GBE1: variants seen among roughly 807,000 people sequenced by gnomAD.
GBE1 encodes the protein 1,4-alpha-glucan branching enzyme 1, also known as 1,4-alpha-glucan-branching enzyme.
In GBE1, 70 loss-of-function variants were observed where a neutral mutation model predicts 88.8. That is an observed-to-expected ratio of 0.79 (90% CI 0.65 to 0.96). The LOEUF is 0.96. Among genes scored for constraint, GBE1 ranks in the 40% least tolerant of loss-of-function variants. The pLI is 0.00. For synonymous variants in GBE1, 284 were observed against 300.1 expected, an observed-to-expected ratio of 0.95 and a Z score of 0.56; for missense variants, 872 against 871.0, an observed-to-expected ratio of 1.00 and a Z score of -0.01.
chr3:81,673,625 G>GT (rs1265478905), intron 2 of GBE1, among the ~76,000 whole-genome samples: 30 of 151,872 alleles, frequency 2.0e-4, no homozygotes, highest in African/African-American at 7.0e-4. Flanking sequence ...CTTTAGCTTG[G>GT]TATCAACTAT....
At chr3:81,745,613 T>C (rs1269397321) in intron 1 of GBE1, among the ~76,000 whole-genome samples, 7 of 152,056 alleles carry the variant, frequency 4.6e-5, no homozygotes, top group Non-Finnish European at 8.8e-5. Context: ...GTTTAGTGCT[T>C]CAAATTCATT....
intron 2 of GBE1, among the ~76,000 whole-genome samples, chr3:81,692,541 A>G (rs997337114): frequency 6.6e-6 from 1 of 152,178 alleles, no homozygotes; most frequent in African/African-American, 2.4e-5. Context: ...CTCAGTTTTT[A>G]GTTTGGTTTG....
intron 1 of GBE1, among the ~76,000 whole-genome samples, chr3:81,715,600 C>A (rs2107182786): frequency 6.6e-6 from 1 of 152,206 alleles, no homozygotes; most frequent in South Asian, 2.1e-4. Context: ...TTGGTATATA[C>A]CACCTACTAT....
intron 1 of GBE1, among the ~76,000 whole-genome samples, chr3:81,712,565 G>T (rs902714113): frequency 6.6e-6 from 1 of 150,974 alleles, no homozygotes; most frequent in Non-Finnish European, 1.5e-5. Flanking sequence ...ACCAAACACC[G>T]CATGTTCTCA....
chr3:81,697,629 G>C (rs1484818098), intron 2 of GBE1, among the ~76,000 whole-genome samples: 1 of 152,072 alleles, frequency 6.6e-6, no homozygotes, highest in Non-Finnish European at 1.5e-5. Flanking sequence ...GCCCTCTCTG[G>C]GCAAGCCACC....
chr3:81,631,835 G>A (rs1352452410), intron 7 of GBE1, among the ~76,000 whole-genome samples: 2 of 151,850 alleles, frequency 1.3e-5, no homozygotes, highest in South Asian at 4.2e-4. Context: ...TTAAGTTCTG[G>A]GATACATGTG....
Position 81,670,725 on chromosome 3 carries a change from T to C in GBE1, c.429+113A>G. On this transcript the variant is annotated intron_variant, in intron 3 of 15. Transcript: ENST00000429644. ...CCTCTATTTGTACATTTAGACTGTT[T>C]CTCCCACAATTATCATGCATCAGTT... 2 of 613,364 alleles carry C rather than the reference T, an allele frequency of 3.3e-6. 1 individual carries two copies. Among genetic ancestry groups the C allele is most frequent in the South Asian group, 4.6e-5 (2 of 43,650 alleles). 38.0% of individuals were successfully genotyped at this position (613,364 alleles called of 1,614,324 possible).
chr3:81,701,987 A>G (rs1705694604), intron 2 of GBE1, among the ~76,000 whole-genome samples: 1 of 151,658 alleles, frequency 6.6e-6, no homozygotes, highest in South Asian at 2.1e-4. Context: ...TAGGCACAAA[A>G]AAAAAAAAGA....
chr3:81,516,482 T>G (rs79638842), intron 14 of GBE1, among the ~76,000 whole-genome samples: 2,096 of 151,648 alleles, frequency 0.014, 85 homozygotes, highest in Admixed American at 0.067. Flanking sequence ...CTGACTGAGA[T>G]GTACAAGGAA....
At chr3:81,514,536 T>A (rs570614052) in intron 14 of GBE1, among the ~76,000 whole-genome samples, 1 of 151,702 alleles carries the variant, frequency 6.6e-6, no homozygotes, top group South Asian at 2.1e-4. Flanking sequence ...GAATTAGAGA[T>A]GGTTCTTATG....
chr3:81,655,371 A>G (rs1371857991), intron 3 of GBE1, among the ~76,000 whole-genome samples: 2 of 152,170 alleles, frequency 1.3e-5, no homozygotes, highest in East Asian at 3.9e-4. Flanking sequence ...AGTAATTTGT[A>G]GAAGAGGGTG....
intron 8 of GBE1, among the ~76,000 whole-genome samples, chr3:81,591,386 G>A (rs1327448802): frequency 1.3e-5 from 2 of 152,104 alleles, no homozygotes; most frequent in Non-Finnish European, 2.9e-5. Flanking sequence ...GCACACGCAT[G>A]AGAAAAACAA....
chr3:81,613,936 CAAAA>C (rs34108399), intron 7 of GBE1, among the ~76,000 whole-genome samples: 1 of 119,666 alleles, frequency 8.4e-6, no homozygotes, highest in African/African-American at 2.9e-5. Flanking sequence ...ACACACACAC[CAAAA>C]AAAAAAAAAA....
At chr3:81,631,111 G>A (rs1162279349) in intron 7 of GBE1, among the ~76,000 whole-genome samples, 1 of 152,094 alleles carries the variant, frequency 6.6e-6, no homozygotes, top group Non-Finnish European at 1.5e-5. Flanking sequence ...GGCTTAGGTG[G>A]GAGGATTGCT....
intron 3 of GBE1, among the ~76,000 whole-genome samples, chr3:81,665,076 C>T (rs1267787199): frequency 6.6e-6 from 1 of 152,140 alleles, no homozygotes; most frequent in African/African-American, 2.4e-5. Context: ...TAGTAATACA[C>T]ATTTATATAT....
intron 6 of GBE1, 21 bp from the exon 7 acceptor site, chr3:81,643,011 A>C: frequency 6.6e-7 from 1 of 1,526,238 alleles, no homozygotes; most frequent in Non-Finnish European, 9.0e-7. Context: ...AGAACACAGC[A>C]AAAAGAAGAT....
chr3:81,704,911 A>G (rs994697100), intron 2 of GBE1, among the ~76,000 whole-genome samples: 8 of 152,138 alleles, frequency 5.3e-5, no homozygotes, highest in Non-Finnish European at 8.8e-5. Flanking sequence ...TGCAAATGAC[A>G]ATGCTGACAA....
rs2107250718 is a variant in GBE1 at position 81,761,441 on chromosome 3, G to A, written c.77C>T (p.Pro26Leu). The A allele has an allele frequency of 6.2e-7, 1 of 1,613,692 alleles. No individual in the cohort carries two copies. Among genetic ancestry groups the A allele is most frequent in the Non-Finnish European group, 8.5e-7 (1 of 1,179,712 alleles). Residue 26 changes from proline to leucine, a missense_variant, in exon 1 of 16, where the codon CCC (proline) becomes CTC (leucine). Coordinates refer to ENST00000429644, the MANE Select transcript of GBE1 (RefSeq NM_000158.4). ...AALNAALADV[P>L]ELARLLEIDP... Reference sequence around the variant, plus strand: ...GATCTCCAGGAGTCTGGCCAGTTCGGGCACGTCAGCCAGGGCGGCATTGAG... The same window carrying A: ...GATCTCCAGGAGTCTGGCCAGTTCGAGCACGTCAGCCAGGGCGGCATTGAG...
At chr3:81,552,301 T>C (rs1194295384) in intron 12 of GBE1, among the ~76,000 whole-genome samples, 2 of 152,160 alleles carry the variant, frequency 1.3e-5, no homozygotes, top group Non-Finnish European at 2.9e-5. Context: ...GTAGATTACC[T>C]GAGGTCAGGA....
Sources: gnomAD v4.1 joint callset for allele counts (sites outside exome capture counted in the v4.1 genomes callset) on GRCh38, gnomAD v4.1.1 for gene constraint, MANE v1.5 for transcripts, NCBI Gene and HGNC (gene_info 2026-07-23, HGNC 2026-07-21) for gene names.